GAS2: variants seen among roughly 807,000 people sequenced by gnomAD.
GAS2 encodes the protein growth arrest specific 2, also known as growth arrest-specific protein 2.
In GAS2, 20 loss-of-function variants were observed where a neutral mutation model predicts 37.5. The ratio of observed to expected loss-of-function variants is 0.53; its 90% CI spans 0.37 to 0.77. GAS2 has a LOEUF of 0.77. Ranked by LOEUF, GAS2 falls within the 30% of genes least tolerant of loss-of-function variation. The pLI is 0.00. For synonymous variants in GAS2, 144 were observed against 132.2 expected (o/e 1.09, Z -0.61); for missense variants, 336 against 373.4 (o/e 0.90, Z 0.82).
intron 3 of GAS2, among the ~76,000 whole-genome samples, chr11:22,701,190 G>A (rs1348629842): frequency 1.3e-5 from 2 of 152,086 alleles, no homozygotes; most frequent in Non-Finnish European, 2.9e-5. Flanking sequence ...TAAACAATAG[G>A]TAACTCAAAA....
intron 7 of GAS2, among the ~76,000 whole-genome samples, chr11:22,765,555 G>A (rs1388863428): frequency 2.0e-5 from 3 of 152,108 alleles, no homozygotes; most frequent in African/African-American, 4.8e-5. Context: ...CAAGGCGGGC[G>A]GCTCATGAGA....
chr11:22,709,190 G>A (rs1274946002), intron 3 of GAS2, among the ~76,000 whole-genome samples: 1 of 144,364 alleles, frequency 6.9e-6, no homozygotes, highest in Non-Finnish European at 1.5e-5. Flanking sequence ...ACTCAGAGGT[G>A]AATGCACAGC....
chr11:22,756,056 C>T lies in GAS2; in HGVS notation c.723+103C>T, dbSNP rs1415402260. On this transcript the variant is annotated intron_variant, in intron 7 of 7. Transcript: ENST00000454584. ...AGCAGGAACTTCCATATGGTGCTTA[C>T]GTTTAAAGATACATGGTATGAATTT... The T allele has an allele frequency of 2.1e-5, 15 of 728,882 alleles. No individual in the cohort carries two copies. The Admixed American group carries it at 2.5e-4, about 12-fold the overall frequency. The allele number at this position is 728,882 out of a possible 1,614,324, so 45.2% of individuals were successfully genotyped here.
Position 22,705,263 on chromosome 11 carries a change from T to C in GAS2, c.267+19474T>C, listed in dbSNP as rs372913075. 9.2e-5 allele frequency among the ~76,000 whole-genome samples: 14 copies of C among 152,278 alleles called. No individual in the cohort carries two copies. In the South Asian group the frequency reaches 1.5e-3, roughly 16 times the overall value. Reference sequence around the variant, plus strand: ...CTTTGAACCTGACGAGTAGGTCCCATCCACCACAGGGCCTTCACAATTGTT... The same window carrying C: ...CTTTGAACCTGACGAGTAGGTCCCACCCACCACAGGGCCTTCACAATTGTT... On this transcript the variant is annotated intron_variant, in intron 3 of 7. Transcript: ENST00000454584.
At chr11:22,750,579 A>C (rs1002983158) in intron 6 of GAS2, among the ~76,000 whole-genome samples, 3 of 152,090 alleles carry the variant, frequency 2.0e-5, no homozygotes, top group African/African-American at 7.2e-5. Context: ...TTAAAATCAC[A>C]TAACTTTTTT....
chr11:22,646,100 C>T (rs746027938), intron 1 of GAS2, among the ~76,000 whole-genome samples: 1 of 152,058 alleles, frequency 6.6e-6, no homozygotes, highest in African/African-American at 2.4e-5. Flanking sequence ...GTCTCGGCCT[C>T]CTGAAGTGCT....
At chr11:22,749,359 A>C in intron 6 of GAS2, 98 bp downstream of exon 6, 1 of 1,112,772 alleles carries the variant, frequency 9.0e-7, no homozygotes, top group East Asian at 2.6e-5. Context: ...CTTTACCTAT[A>C]TCAATTTTCT....
intron 4 of GAS2, among the ~76,000 whole-genome samples, chr11:22,735,075 TCAC>T (rs375445457): frequency 1.8e-4 from 27 of 151,832 alleles, no homozygotes; most frequent in African/African-American, 6.5e-4. Context: ...ACAACCCCTA[TCAC>T]CACCACCACA....
In GAS2 at chr11:22,732,837, A is replaced by T. The variant is rs1852550999; in HGVS notation, c.410-4868A>T. Among the ~76,000 whole-genome samples the T allele has an allele frequency of 2.0e-5, 3 of 151,402 alleles. No homozygotes were observed. In the Admixed American group the frequency reaches 2.0e-4, roughly 10 times the overall value. ...CACCACCACCATTGCTATCCTTCACATTTGTGGAGCATGTTACATATATCA... is the reference window on the plus strand; with the variant it reads ...CACCACCACCATTGCTATCCTTCACTTTTGTGGAGCATGTTACATATATCA... On this transcript the variant is annotated intron_variant, in intron 4 of 7. Coordinates refer to ENST00000454584, the MANE Select transcript of GAS2 (RefSeq NM_001143830.3).
intron 7 of GAS2, among the ~76,000 whole-genome samples, chr11:22,765,568 A>G (rs1172899031): frequency 6.6e-6 from 1 of 152,174 alleles, no homozygotes; most frequent in African/African-American, 2.4e-5. Flanking sequence ...TCATGAGATC[A>G]GGAGATTGAG....
At chr11:22,707,777 G>A (rs1028270808) in intron 3 of GAS2, among the ~76,000 whole-genome samples, 8 of 152,228 alleles carry the variant, frequency 5.3e-5, no homozygotes, top group Middle Eastern at 3.4e-3. Flanking sequence ...TGGAGAGAAC[G>A]TTTGGCACAT....
intron 3 of GAS2, among the ~76,000 whole-genome samples, chr11:22,686,694 G>T (rs1399387355): frequency 6.6e-6 from 1 of 151,496 alleles, no homozygotes; most frequent in Non-Finnish European, 1.5e-5. Context: ...AGGTTGCGGT[G>T]AGCAGAGATC....
At chr11:22,773,177 C>A (rs759187998) in intron 7 of GAS2, among the ~76,000 whole-genome samples, 2 of 152,044 alleles carry the variant, frequency 1.3e-5, no homozygotes, top group Non-Finnish European at 1.5e-5. Flanking sequence ...TCTGTGGTCG[C>A]GGTTCATTTT....
chr11:22,646,446 T>C (rs1026467948), intron 1 of GAS2, among the ~76,000 whole-genome samples: 1 of 152,218 alleles, frequency 6.6e-6, no homozygotes, highest in Non-Finnish European at 1.5e-5. Context: ...AGCACTTGAG[T>C]TCTACCATTC....
chr11:22,748,753 G>T (rs1853554689), intron 5 of GAS2, among the ~76,000 whole-genome samples: 1 of 151,998 alleles, frequency 6.6e-6, no homozygotes, highest in Non-Finnish European at 1.5e-5. Context: ...ACAAACTTAG[G>T]TTCAAAATAG....
At chr11:22,797,546 C>T (rs528479864) in intron 7 of GAS2, among the ~76,000 whole-genome samples, 13 of 152,062 alleles carry the variant, frequency 8.5e-5, no homozygotes, top group Non-Finnish European at 1.5e-4. Context: ...TGATTTATCA[C>T]TGGAGACAAT....
At chr11:22,688,608 A>G (rs919587151) in intron 3 of GAS2, among the ~76,000 whole-genome samples, 2 of 152,210 alleles carry the variant, frequency 1.3e-5, no homozygotes, top group African/African-American at 4.8e-5. Context: ...TATAATTTTT[A>G]TAATAAAACT....
At chr11:22,656,374 A>T (rs918050726) in intron 1 of GAS2, among the ~76,000 whole-genome samples, 3 of 152,234 alleles carry the variant, frequency 2.0e-5, no homozygotes, top group African/African-American at 7.2e-5. Context: ...AGATCTGCCT[A>T]AGGCACAGAA....
chr11:22,644,238 T>A (rs530890917), intron 1 of GAS2, among the ~76,000 whole-genome samples: 231 of 152,270 alleles, frequency 1.5e-3, no homozygotes, highest in Non-Finnish European at 2.8e-3. Context: ...GTTCTTAGAT[T>A]GGGTTAGTCT....
Sources: gnomAD v4.1 joint callset for allele counts (sites outside exome capture counted in the v4.1 genomes callset) on GRCh38, gnomAD v4.1.1 for gene constraint, MANE v1.5 for transcripts, NCBI Gene and HGNC (gene_info 2026-07-23, HGNC 2026-07-21) for gene names.